Variants in ACTR3C observed in about 807,000 individuals in gnomAD.
The protein encoded by ACTR3C is actin-related protein 3C.
ACTR3C carries 18 observed loss-of-function variants against 26.3 expected under a neutral mutation model. The observed-to-expected ratio is 0.68, with a 90% CI of 0.47 to 1.01. The LOEUF is 1.01. ACTR3C is among the 50% of genes least tolerant of loss of function. ACTR3C has a pLI of 0.00. For synonymous variants in ACTR3C, 55 were observed against 94.5 expected, an observed-to-expected ratio of 0.58 and a Z score of 2.42; for missense variants, 184 against 250.7, an observed-to-expected ratio of 0.73 and a Z score of 1.80.
Position 150,275,507 on chromosome 7 carries a change from T to C in ACTR3C, c.564+9246A>G, listed in dbSNP as rs535693284. 1.3e-3 allele frequency among the ~76,000 whole-genome samples: 201 copies of C among 152,266 alleles called. 1 individual carries two copies. The highest frequency in any genetic ancestry group is 4.7e-3 in the African/African-American group (195 of 41,548). ...AGGCAGATCACCTGAGGTCAGGAGTTCGAGACCAGCCTGGCCAACATGGCG... is the reference window on the plus strand; with the variant it reads ...AGGCAGATCACCTGAGGTCAGGAGTCCGAGACCAGCCTGGCCAACATGGCG... On this transcript the variant is annotated intron_variant, in intron 6 of 7. Coordinates refer to ENST00000683684, the MANE Select transcript of ACTR3C (RefSeq NM_001164458.2).
the ACTR3C span, among the ~76,000 whole-genome samples, chr7:150,105,449 A>T: frequency 6.6e-6 from 1 of 151,976 alleles, no homozygotes; most frequent in Non-Finnish European, 1.5e-5. Context: ...GGAAATGGCT[A>T]GTGAATGGCT....
the ACTR3C span, among the ~76,000 whole-genome samples, chr7:150,088,087 T>C: frequency 6.6e-6 from 1 of 152,248 alleles, no homozygotes; most frequent in Non-Finnish European, 1.5e-5. Context: ...TACAAGTCTC[T>C]TGTCAGATAT....
the ACTR3C span, among the ~76,000 whole-genome samples, chr7:150,143,981 A>C: frequency 6.6e-6 from 1 of 152,216 alleles, no homozygotes; most frequent in Non-Finnish European, 1.5e-5. Context: ...CCCCTCCGTC[A>C]AGACTCACAG....
the ACTR3C span, among the ~76,000 whole-genome samples, chr7:149,976,019 G>A: frequency 3.3e-5 from 5 of 152,200 alleles, no homozygotes; most frequent in African/African-American, 7.2e-5. Flanking sequence ...AAACCCTTTC[G>A]TTGGACTAGA....
chr7:150,104,147 G>T, the ACTR3C span, among the ~76,000 whole-genome samples: 5 of 151,246 alleles, frequency 3.3e-5, no homozygotes, highest in African/African-American at 4.9e-5. Flanking sequence ...TTACACAGAA[G>T]AAGATTGCTT....
the ACTR3C span, among the ~76,000 whole-genome samples, chr7:149,897,539 T>C: frequency 3.3e-5 from 5 of 152,290 alleles, no homozygotes; most frequent in South Asian, 2.1e-4. Flanking sequence ...ACCTCCAATT[T>C]ACTACAAATG....
At chr7:150,003,400 T>C in the ACTR3C span, among the ~76,000 whole-genome samples, 2 of 151,248 alleles carry the variant, frequency 1.3e-5, no homozygotes. Context: ...GTATGATGTA[T>C]GGAAGAAGTG....
At chr7:149,896,606 T>C in the ACTR3C span, among the ~76,000 whole-genome samples, 1 of 151,776 alleles carries the variant, frequency 6.6e-6, no homozygotes, top group Non-Finnish European at 1.5e-5. Context: ...GCAATTCCAC[T>C]TCTAGAATTT....
intron 1 of ACTR3C, among the ~76,000 whole-genome samples, chr7:150,297,552 G>T (rs961388290): frequency 6.6e-6 from 1 of 152,212 alleles, no homozygotes; most frequent in Non-Finnish European, 1.5e-5. Context: ...TAAGACGTAG[G>T]AATAAAGACT....
At chr7:149,962,675 C>T in the ACTR3C span, among the ~76,000 whole-genome samples, 4,739 of 152,156 alleles carry the variant, frequency 0.031, 234 homozygotes, top group African/African-American at 0.11. Context: ...ATCATAGTTC[C>T]GGAGACTTCC....
chr7:150,244,272 T>C (rs1419931027), downstream of ACTR3C: 3 of 122,810 alleles, frequency 2.4e-5, no homozygotes, highest in Non-Finnish European at 4.9e-5. Flanking sequence ...TCTTAGAATA[T>C]TGAATATTCA....
the ACTR3C span, among the ~76,000 whole-genome samples, chr7:150,187,416 C>T: frequency 6.6e-6 from 1 of 151,644 alleles, no homozygotes; most frequent in African/African-American, 2.4e-5. Flanking sequence ...ACATCTTGTA[C>T]AATCACAGCA....
chr7:149,980,411 T>C, the ACTR3C span, among the ~76,000 whole-genome samples: 1 of 152,186 alleles, frequency 6.6e-6, no homozygotes, highest in Admixed American at 6.5e-5. Flanking sequence ...GTAAAAGCCA[T>C]TGTGCAGTAA....
At chr7:149,970,583 T>C in the ACTR3C span, among the ~76,000 whole-genome samples, 1 of 152,296 alleles carries the variant, frequency 6.6e-6, no homozygotes, top group Non-Finnish European at 1.5e-5. Context: ...AATGACCCCA[T>C]TTGGATAAAA....
intron 1 of ACTR3C, among the ~76,000 whole-genome samples, chr7:150,312,121 C>T (rs1796379776): frequency 6.6e-6 from 1 of 152,166 alleles, no homozygotes; most frequent in Admixed American, 6.5e-5. Flanking sequence ...AAGGAAATAA[C>T]CAATGCCTCC....
At chr7:150,102,113 T>A in the ACTR3C span, among the ~76,000 whole-genome samples, 1 of 151,704 alleles carries the variant, frequency 6.6e-6, no homozygotes, top group South Asian at 2.1e-4. Flanking sequence ...CTCAGAACCA[T>A]GACCACGATG....
chr7:150,001,954 A>G, the ACTR3C span: 8 of 152,280 alleles, frequency 5.3e-5, no homozygotes, highest in East Asian at 5.8e-4. Context: ...GCGAGAACCA[A>G]CGTGCATGGG....
At chr7:149,905,490 CAA>C in the ACTR3C span, among the ~76,000 whole-genome samples, 1 of 148,416 alleles carries the variant, frequency 6.7e-6, no homozygotes, top group Non-Finnish European at 1.5e-5. Flanking sequence ...TAAACAGAAA[CAA>C]ATTATAAAAG....
the ACTR3C span, among the ~76,000 whole-genome samples, chr7:150,140,686 T>C: frequency 2.0e-5 from 3 of 152,214 alleles, no homozygotes; most frequent in Admixed American, 1.3e-4. Flanking sequence ...AACACTGATA[T>C]TGAACTTGGG....
Sources: gnomAD v4.1 joint callset for allele counts (sites outside exome capture counted in the v4.1 genomes callset) on GRCh38, gnomAD v4.1.1 for gene constraint, MANE v1.5 for transcripts, NCBI Gene and HGNC (gene_info 2026-07-23, HGNC 2026-07-21) for gene names.